Variants in SIRT2 observed in about 807,000 individuals in gnomAD.
SIRT2 encodes NAD-dependent protein deacetylase sirtuin-2.
Under a neutral mutation model 57.4 loss-of-function variants are expected in SIRT2, and 40 were observed. The ratio of observed to expected loss-of-function variants is 0.70; its 90% CI spans 0.54 to 0.91. SIRT2 has a LOEUF of 0.91. Ranked by LOEUF, SIRT2 falls within the 40% of genes least tolerant of loss-of-function variation. The pLI is 0.00. For synonymous variants in SIRT2, 161 were observed against 195.7 expected (o/e 0.82, Z 1.48); for missense variants, 439 against 510.4 (o/e 0.86, Z 1.35).
At chr19:38,883,134 G>A (rs1973210791) in intron 9 of SIRT2, among the ~76,000 whole-genome samples, 1 of 143,866 alleles carries the variant, frequency 7.0e-6, no homozygotes, top group African/African-American at 2.6e-5. Context: ...AAGCTGGAGT[G>A]CAATGGTGCG....
chr19:38,892,394 T>TAAA (rs1973568880), intron 4 of SIRT2, among the ~76,000 whole-genome samples: 1 of 142,494 alleles, frequency 7.0e-6, no homozygotes, highest in African/African-American at 2.8e-5. Context: ...AGACTCCATC[T>TAAA]CAAAAAAAAA....
At chr19:38,891,645 G>C (rs1257792509) in intron 4 of SIRT2, 1 of 303,694 alleles carries the variant, frequency 3.3e-6, no homozygotes, top group African/African-American at 2.3e-5. Flanking sequence ...TATTGCCCAG[G>C]CTAGTCTTGA....
In SIRT2 at chr19:38,878,683, CG is replaced by C. The variant is rs1973013261; in HGVS notation, c.*471del. On this transcript the variant is annotated 3_prime_UTR_variant, in exon 16 of 16. Coordinates refer to ENST00000249396, the MANE Select transcript of SIRT2 (RefSeq NM_012237.4). ...ACTTTGGGAGCTGAAGGCAGAGACT[CG>C]GGAGCCCTCCCGGCTCAGACTCCCC... The C allele has an allele frequency of 6.5e-6, 1 of 154,226 alleles. No homozygotes were observed. Among genetic ancestry groups the C allele is most frequent in the Non-Finnish European group, 1.4e-5 (1 of 69,472 alleles). The allele number at this position is 154,226 out of a possible 1,614,324, so 9.6% of individuals were successfully genotyped here.
Position 38,894,690 on chromosome 19 carries a change from C to T in SIRT2, c.64-823G>A, listed in dbSNP as rs140289347. On this transcript the variant is annotated intron_variant, in intron 2 of 15. Coordinates refer to ENST00000249396, the MANE Select transcript of SIRT2 (RefSeq NM_012237.4). ...TTCAAGGACCTATGTGCCCCCTGCT[C>T]GAGGCCTCAGACACTCTGCCCACCT... 1.9e-3 allele frequency among the ~76,000 whole-genome samples: 288 copies of T among 152,178 alleles called. 3 individuals carry two copies. The highest frequency in any genetic ancestry group is 6.2e-3 in the African/African-American group (259 of 41,504).
chr19:38,898,764 C>A (rs1253795401), intron 1 of SIRT2: 2 of 250,998 alleles, frequency 8.0e-6, no homozygotes, highest in East Asian at 1.5e-4. Flanking sequence ...GGATTACAAG[C>A]ATGAGCCATT....
At chr19:38,894,829 G>T (rs181174168) in intron 2 of SIRT2, 1 of 456,062 alleles carries the variant, frequency 2.2e-6, no homozygotes, top group South Asian at 1.5e-5. Flanking sequence ...CTTTCCTGGG[G>T]TTACCTGTCT....
At chr19:38,891,907 C>G (rs753728448) in intron 4 of SIRT2, 3 of 469,600 alleles carry the variant, frequency 6.4e-6, no homozygotes, top group African/African-American at 6.0e-5. Context: ...GCTCGCCTGC[C>G]GCAGGAGAGG....
chr19:38,892,162 G>A lies in SIRT2; in HGVS notation c.226+1252C>T, dbSNP rs112027209. Reference sequence around the variant, plus strand: ...TCTAATCCTAGCACTTTGGGAGGCCGAGGAGGGTGGATTGCCTGAGCTCAG... The same window carrying A: ...TCTAATCCTAGCACTTTGGGAGGCCAAGGAGGGTGGATTGCCTGAGCTCAG... On this transcript the variant is annotated intron_variant, in intron 4 of 15. Coordinates refer to ENST00000249396, the MANE Select transcript of SIRT2 (RefSeq NM_012237.4). 2.8e-3 allele frequency among the ~76,000 whole-genome samples: 431 copies of A among 152,242 alleles called. 4 individuals are homozygous for A. The highest frequency in any genetic ancestry group is 1.0e-2 in the African/African-American group (414 of 41,542).
Position 38,889,705 on chromosome 19 carries a change from T to C in SIRT2, c.416A>G (p.Tyr139Cys). The change falls in exon 7 of 16, where the codon TAT becomes TGT. Residue 139 changes from tyrosine (Y) to cysteine (C), a missense_variant. Tyr to Cys is a radical substitution (Grantham distance 194, BLOSUM62 -2). Coordinates refer to ENST00000249396, the MANE Select transcript of SIRT2 (RefSeq NM_012237.4). ...EPFFALAKELYPGQFKPTICH... is the reference protein window; with the variant it reads ...EPFFALAKELCPGQFKPTICH... ...AGATCTCACCTTGAACTGCCCAGGA[T>C]AGAGTTCCTTGGCGAGGGCGAAGAA... The C allele has an allele frequency of 6.2e-7, 1 of 1,614,008 alleles. No individual in the cohort carries two copies. Among genetic ancestry groups the C allele is most frequent in the African/African-American group, 1.3e-5 (1 of 75,004 alleles).
rs1393424968 is a variant in SIRT2 at position 38,899,536 on chromosome 19, A to G, written c.-15T>C. 1.2e-5 allele frequency: 19 copies of G among 1,613,644 alleles called. No homozygotes were observed. Among genetic ancestry groups the G allele is most frequent in the Non-Finnish European group, 1.6e-5 (19 of 1,179,982 alleles). On this transcript the variant is annotated 5_prime_UTR_variant, in exon 1 of 16. Transcript: ENST00000249396. ...GGCTCTGCCATGGGCGCGGTGCTGA[A>G]GCCCTTGAGGCTGTCACCGACCGCT...
At chr19:38,898,293 C>A in intron 2 of SIRT2, 86 bp downstream of exon 2, 1 of 1,034,172 alleles carries the variant, frequency 9.7e-7, no homozygotes, top group Non-Finnish European at 1.3e-6. Context: ...CCTGGGGTGA[C>A]TGTTTCCCCT....
chr19:38,891,789 A>G, intron 4 of SIRT2: 1 of 450,762 alleles, frequency 2.2e-6, no homozygotes, highest in Non-Finnish European at 4.6e-6. Context: ...TCATGAGCCA[A>G]TTACCCCAGA....
At position 38,889,265 on chromosome 19, in the gene SIRT2, C is replaced by T. The variant is rs558825680; in HGVS notation, c.433-110G>A. The T allele has an allele frequency of 3.4e-4, 343 of 1,021,884 alleles. 1 individual carries two copies. In the African/African-American group the frequency reaches 4.0e-3, roughly 12 times the overall value. 63.3% of individuals were successfully genotyped at this position (1,021,884 alleles called of 1,614,324 possible). A position where few individuals can be genotyped will look rare whatever the true frequency, so the allele number is the denominator to read the frequency against. ...TGTGACTGTTTTACCCCCAGGGAAC[C>T]GTCACAGCAGCCGCGTCGGGGAGAG... On this transcript the variant is annotated intron_variant, in intron 7 of 15. Coordinates refer to ENST00000249396, the MANE Select transcript of SIRT2 (RefSeq NM_012237.4).
At chr19:38,891,557 A>G (rs1973538854) in intron 4 of SIRT2, among the ~76,000 whole-genome samples, 1 of 151,934 alleles carries the variant, frequency 6.6e-6, no homozygotes, top group Admixed American at 6.6e-5. Context: ...TCAAAATAAT[A>G]ATAATAATAA....
chr19:38,893,437 G>C lies in SIRT2; in HGVS notation c.203C>G (p.Ala68Gly). The change falls in exon 4 of 16, where the codon GCC becomes GGC. Residue 68 changes from alanine (A) to glycine (G), a missense_variant. Transcript: ENST00000249396. ...ACAGCGTTCGCTCTGCATGTACCGG[G>C]CCACCCCTTCCAAGGTCAGCTCGTC... ...LLDELTLEGV[A>G]RYMQSERCRR... 1 of 1,613,440 alleles carries C rather than the reference G, an allele frequency of 6.2e-7. No individual in the cohort carries two copies. The highest frequency in any genetic ancestry group is 8.5e-7 in the Non-Finnish European group (1 of 1,179,422).
intron 5 of SIRT2, 34 bp from the exon 6 acceptor site, chr19:38,889,995 T>C (rs199959727): frequency 2.4e-5 from 39 of 1,610,046 alleles, no homozygotes; most frequent in Non-Finnish European, 3.0e-5. Context: ...AGTTGGTCTA[T>C]ACCATACTAA....
chr19:38,893,429 T>G lies in SIRT2; in HGVS notation c.211A>C (p.Met71Leu), dbSNP rs752424589. ...GGGGACTCACAGCGTTCGCTCTGCA[T>G]GTACCGGGCCACCCCTTCCAAGGTC... ...ELTLEGVARY[M>L]QSERCRRVIC... Residue 71 changes from methionine (M) to leucine (L), a missense_variant, in exon 4 of 16, where the codon ATG (methionine) becomes CTG (leucine). Coordinates refer to ENST00000249396, the MANE Select transcript of SIRT2 (RefSeq NM_012237.4). 1.2e-6 allele frequency: 2 copies of G among 1,612,736 alleles called. No individual in the cohort carries two copies. Among genetic ancestry groups the G allele is most frequent in the East Asian group, 4.5e-5 (2 of 44,866 alleles).
chr19:38,893,597 TG>T, intron 3 of SIRT2, 70 bp from the exon 4 acceptor site: 1 of 1,281,936 alleles, frequency 7.8e-7, no homozygotes, highest in Middle Eastern at 1.9e-4. Context: ...TCCGGCACCC[TG>T]GCCCCAGCCC....
Position 38,889,170 on chromosome 19 carries a change from G to C in SIRT2, c.433-15C>G. The C allele has an allele frequency of 1.9e-6, 3 of 1,611,848 alleles. No individual in the cohort carries two copies. The highest frequency in any genetic ancestry group is 2.5e-6 in the Non-Finnish European group (3 of 1,179,224). ...CAGATGGTTGGCTGCAGGGAAGAGC[G>C]ACAGCACTGCTGACGACTGCAGGGA... On this transcript the variant is annotated splice_polypyrimidine_tract_variant and intron_variant, in intron 7 of 15. Transcript: ENST00000249396.
Sources: allele counts gnomAD v4.1 joint callset (sites outside exome capture counted in the v4.1 genomes callset), GRCh38; gene constraint gnomAD v4.1.1; transcripts MANE v1.5; gene names NCBI Gene and HGNC (gene_info 2026-07-23, HGNC 2026-07-21).